TRMT9B: variants seen among roughly 807,000 people sequenced by gnomAD.
TRMT9B encodes tRNA methyltransferase 9B (putative), also known as probable tRNA methyltransferase 9B.
A neutral mutation model predicts 11.5 loss-of-function variants in TRMT9B; 16 were observed. That is an observed-to-expected ratio of 1.39 (90% confidence interval 0.94 to 2.11). TRMT9B has a LOEUF of 2.11. TRMT9B is among the 30% of genes most tolerant of loss of function. TRMT9B has a pLI of 0.00. For synonymous variants in TRMT9B, 274 were observed against 192.4 expected (o/e 1.42, Z -3.51); for missense variants, 941 against 553.8 (o/e 1.70, Z -7.02).
rs1015358539 is a variant in TRMT9B at position 13,012,275 on chromosome 8, T to C, written c.155-409T>C. Reference sequence around the variant, plus strand: ...CCATGTTGTATTCTGTCTTGGTTAGTTAAAAAAAAAAAAAAAGTTGGCCAG... The same window carrying C: ...CCATGTTGTATTCTGTCTTGGTTAGCTAAAAAAAAAAAAAAAGTTGGCCAG... On this transcript the variant is annotated intron_variant, in intron 3 of 4. Transcript: ENST00000524591. 6 of 987,448 alleles carry C rather than the reference T, an allele frequency of 6.1e-6. No homozygotes were observed. The African/African-American group carries it at 8.8e-5, about 14-fold the overall frequency. 61.2% of individuals were successfully genotyped at this position (987,448 alleles called of 1,614,324 possible). A position where few individuals can be genotyped will look rare whatever the true frequency, so the allele number is the denominator to read the frequency against.
In TRMT9B at chr8:13,006,207, A is replaced by G; in HGVS notation, c.5A>G (p.Asp2Gly). 1 of 1,613,870 alleles carries G rather than the reference A, an allele frequency of 6.2e-7. No individual in the cohort carries two copies. Among genetic ancestry groups the G allele is most frequent in the Non-Finnish European group, 8.5e-7 (1 of 1,179,842 alleles). The change falls in exon 3 of 5, where the codon GAT (aspartate) becomes GGT (glycine). Residue 2 changes from aspartate (D) to glycine (G), a missense_variant. By Grantham distance (94) the Asp-to-Gly change is moderately conservative (BLOSUM62 -1). Coordinates refer to ENST00000524591, the MANE Select transcript of TRMT9B (RefSeq NM_020844.3). ...GTTGGTCCTGTTTTCTCCAGGATGG[A>G]TCATGAAGCCGCCCAGCTGGAGAAG... Reference protein sequence around the residue: MDHEAAQLEKQH... With the variant: MGHEAAQLEKQH...
intron 1 of TRMT9B, among the ~76,000 whole-genome samples, chr8:12,966,881 G>A (rs1043554711): frequency 3.9e-5 from 6 of 152,106 alleles, no homozygotes; most frequent in African/African-American, 1.4e-4. Flanking sequence ...AAAAAAATCG[G>A]CTTTACCACA....
At chr8:12,991,586 G>T (rs1543222) in intron 2 of TRMT9B, among the ~76,000 whole-genome samples, 1 of 152,192 alleles carries the variant, frequency 6.6e-6, no homozygotes, top group Admixed American at 6.5e-5. Context: ...TCCAATATTT[G>T]TATTTCTTTT....
In TRMT9B at chr8:13,021,524, T is replaced by C; in HGVS notation, c.845T>C (p.Val282Ala). 6.2e-7 allele frequency: 1 copy of C among 1,613,842 alleles called. No individual in the cohort carries two copies. The highest frequency in any genetic ancestry group is 8.5e-7 in the Non-Finnish European group (1 of 1,179,764). Reference sequence around the variant, plus strand: ...ACAGAAGTTTGGGCCAGTAGCACTGTAACAGTCCAGCCTTCCAGACACTCT... The same window carrying C: ...ACAGAAGTTTGGGCCAGTAGCACTGCAACAGTCCAGCCTTCCAGACACTCT... ...KNTEVWASST[V>A]TVQPSRHSSL... The change falls in exon 5 of 5, where the codon GTA becomes GCA. Residue 282 changes from valine (V) to alanine (A), a missense_variant. Val to Ala is a moderately conservative substitution (Grantham distance 64). Transcript: ENST00000524591.
At position 13,021,038 on chromosome 8, in the gene TRMT9B, G is replaced by A. The variant is rs772918593; in HGVS notation, c.359G>A (p.Arg120Lys). 4 of 1,567,110 alleles carry A rather than the reference G, an allele frequency of 2.6e-6. No individual in the cohort carries two copies. The highest frequency in any genetic ancestry group is 1.2e-5 in the South Asian group (1 of 83,818). ...CATCATTTTTCTACAAAACAAAGAA[G>A]AATCAGAGCAATAAAAGAAATGGCC... Reference protein sequence around the residue: ...VIHHFSTKQRRIRAIKEMARV... With the variant: ...VIHHFSTKQRKIRAIKEMARV... The change falls in exon 5 of 5, where the codon AGA (arginine) becomes AAA (lysine). Residue 120 changes from arginine to lysine, a missense_variant. Arg to Lys is a conservative substitution (Grantham distance 26). Transcript: ENST00000524591.
chr8:12,987,091 C>G (rs906159957), intron 1 of TRMT9B, among the ~76,000 whole-genome samples: 1 of 152,194 alleles, frequency 6.6e-6, no homozygotes, highest in Non-Finnish European at 1.5e-5. Flanking sequence ...GCTTCCTTGC[C>G]TCCCTTTCTC....
intron 1 of TRMT9B, among the ~76,000 whole-genome samples, chr8:12,951,016 G>C (rs1418929342): frequency 6.6e-6 from 1 of 152,182 alleles, no homozygotes; most frequent in African/African-American, 2.4e-5. Context: ...TAACGGAGTT[G>C]TTTGATAATA....
intron 1 of TRMT9B, among the ~76,000 whole-genome samples, chr8:12,990,391 T>C (rs1807132569): frequency 6.6e-6 from 1 of 152,158 alleles, no homozygotes; most frequent in Admixed American, 6.5e-5. Context: ...AAGAAAAATG[T>C]GAACAATGAT....
At chr8:12,982,947 C>T (rs1033710221) in intron 1 of TRMT9B, among the ~76,000 whole-genome samples, 24 of 152,154 alleles carry the variant, frequency 1.6e-4, no homozygotes, top group Admixed American at 1.2e-3. Context: ...TTTCCCCATG[C>T]GAGCACACTA....
chr8:12,957,279 C>G (rs1346311427), intron 1 of TRMT9B, among the ~76,000 whole-genome samples: 1 of 152,140 alleles, frequency 6.6e-6, no homozygotes, highest in Admixed American at 6.5e-5. Context: ...TTCCCTTTAA[C>G]ACAGAGCTAG....
At chr8:12,969,140 G>A (rs533597204) in intron 1 of TRMT9B, among the ~76,000 whole-genome samples, 1 of 152,164 alleles carries the variant, frequency 6.6e-6, no homozygotes, top group Non-Finnish European at 1.5e-5. Context: ...TTGGAAGGTG[G>A]AGATTGCAGT....
intron 2 of TRMT9B, among the ~76,000 whole-genome samples, chr8:12,995,511 G>A (rs770585462): frequency 1.2e-4 from 18 of 151,868 alleles, no homozygotes; most frequent in South Asian, 4.2e-4. Flanking sequence ...TATATGAACC[G>A]CATGATAATC....
chr8:12,986,377 T>C (rs1806309498), intron 1 of TRMT9B, among the ~76,000 whole-genome samples: 1 of 152,090 alleles, frequency 6.6e-6, no homozygotes, highest in Non-Finnish European at 1.5e-5. Context: ...ATTGTAAAAA[T>C]ACCAAAAAAG....
intron 1 of TRMT9B, among the ~76,000 whole-genome samples, chr8:12,956,322 A>G (rs1801305398): frequency 6.6e-6 from 1 of 152,196 alleles, no homozygotes; most frequent in East Asian, 1.9e-4. Flanking sequence ...TTGGAAAGGT[A>G]AGAGGATATG....
chr8:13,002,475 A>G (rs776793421), intron 2 of TRMT9B, among the ~76,000 whole-genome samples: 1 of 152,204 alleles, frequency 6.6e-6, no homozygotes, highest in Non-Finnish European at 1.5e-5. Flanking sequence ...ATTTCAGTTG[A>G]AGGTGCAACA....
intron 3 of TRMT9B, chr8:13,007,590 T>G (rs1050738478): frequency 1.3e-5 from 2 of 152,296 alleles, no homozygotes. Flanking sequence ...AAGGGGTGCA[T>G]GTCACATGGA....
intron 2 of TRMT9B, among the ~76,000 whole-genome samples, chr8:12,992,162 T>A (rs1807466023): frequency 6.6e-6 from 1 of 152,112 alleles, no homozygotes; most frequent in Admixed American, 6.6e-5. Flanking sequence ...AATTATTGAG[T>A]GATGCTCTGT....
intron 3 of TRMT9B, 169 bp from the exon 4 acceptor site, chr8:13,012,515 C>T (rs1811819817): frequency 1.2e-6 from 1 of 824,184 alleles, no homozygotes; most frequent in Non-Finnish European, 1.7e-6. Context: ...GCAGAGGTTG[C>T]AGTGAACCGA....
intron 4 of TRMT9B, among the ~76,000 whole-genome samples, chr8:13,018,709 A>T (rs754672180): frequency 3.9e-5 from 6 of 152,152 alleles, no homozygotes; most frequent in African/African-American, 1.4e-4. Context: ...GTCTTGTTTT[A>T]TGTGTGTTTC....
Sources: gnomAD v4.1 joint callset for allele counts (sites outside exome capture counted in the v4.1 genomes callset) on GRCh38, gnomAD v4.1.1 for gene constraint, MANE v1.5 for transcripts, NCBI Gene and HGNC (gene_info 2026-07-23, HGNC 2026-07-21) for gene names.